The following TRPC6 variants were observed in gnomAD, a reference collection of about 807,000 sequenced individuals.
The protein encoded by TRPC6 is transient receptor potential cation channel subfamily C member 6.
Under a neutral mutation model 90.7 loss-of-function variants are expected in TRPC6, and 55 were observed. That is an observed-to-expected ratio of 0.61 (90% CI 0.49 to 0.76). TRPC6 has a LOEUF of 0.76. TRPC6 is among the 30% of genes least tolerant of loss of function. The pLI is 0.00. For synonymous variants in TRPC6, 393 were observed against 393.0 expected, an observed-to-expected ratio of 1.00 and a Z score of 0.00; for missense variants, 989 against 1,122.7, an observed-to-expected ratio of 0.88 and a Z score of 1.70.
At chr11:101,506,263 G>A (rs940727029) in intron 1 of TRPC6, among the ~76,000 whole-genome samples, 9 of 147,200 alleles carry the variant, frequency 6.1e-5, no homozygotes, top group African/African-American at 1.9e-4. Flanking sequence ...CTTTAAAAAC[G>A]GTCACAAACT....
At chr11:101,484,118 C>T (rs1229291702) in intron 4 of TRPC6, among the ~76,000 whole-genome samples, 2 of 152,154 alleles carry the variant, frequency 1.3e-5, no homozygotes, top group Non-Finnish European at 2.9e-5. Context: ...ATACAACCAA[C>T]ACTTAGTTGG....
At chr11:101,555,092 G>A (rs1171933589) in intron 1 of TRPC6, among the ~76,000 whole-genome samples, 2 of 152,176 alleles carry the variant, frequency 1.3e-5, no homozygotes, top group African/African-American at 4.8e-5. Context: ...GGTAGGCTAA[G>A]AGACACTGCC....
chr11:101,519,316 C>G (rs1565227130), intron 1 of TRPC6, among the ~76,000 whole-genome samples: 1 of 113,070 alleles, frequency 8.8e-6, no homozygotes, highest in African/African-American at 3.6e-5. Context: ...TAAATATATA[C>G]ACCTATGTAC....
chr11:101,573,944 G>GTGTGTGTA (rs1555015140), intron 1 of TRPC6, among the ~76,000 whole-genome samples: 19 of 130,178 alleles, frequency 1.5e-4, no homozygotes, highest in Non-Finnish European at 2.7e-4. Context: ...GTGTGTGTGT[G>GTGTGTGTA]TGTGTGTGTG....
At chr11:101,534,815 C>T (rs117156891) in intron 1 of TRPC6, among the ~76,000 whole-genome samples, 7 of 152,178 alleles carry the variant, frequency 4.6e-5, no homozygotes, top group Admixed American at 3.3e-4. Context: ...GAGATTTCTA[C>T]GTATCAGAAA....
intron 10 of TRPC6, among the ~76,000 whole-genome samples, chr11:101,457,621 A>C (rs1356595926): frequency 6.6e-6 from 1 of 152,166 alleles, no homozygotes; most frequent in Non-Finnish European, 1.5e-5. Context: ...GCTGTGTTAT[A>C]CAGTGCTTAT....
intron 1 of TRPC6, among the ~76,000 whole-genome samples, chr11:101,529,481 C>G (rs913837295): frequency 2.0e-5 from 3 of 152,206 alleles, no homozygotes; most frequent in Non-Finnish European, 4.4e-5. Flanking sequence ...TTCGGACATA[C>G]ATAGTACTTC....
chr11:101,578,439 G>GA (rs779727995), intron 1 of TRPC6, among the ~76,000 whole-genome samples: 19 of 152,070 alleles, frequency 1.2e-4, no homozygotes, highest in Non-Finnish European at 1.8e-4. Flanking sequence ...CTGGAGAAAA[G>GA]AAAACAATAT....
chr11:101,469,452 G>T lies in TRPC6; in HGVS notation c.2459C>A (p.Ser820Ter). Reference sequence around the variant, plus strand: ...CTGTTTTTTGTCAAGTGATAATTTTGAAAGGTCTTCATGACTTCCTAAAAT... The same window carrying T: ...CTGTTTTTTGTCAAGTGATAATTTTTAAAGGTCTTCATGACTTCCTAAAAT... ...LGILGSHEDL[S>*]KLSLDKKQVG... Residue 820 changes from serine (S) to a stop codon, truncating the protein, a stop_gained, in exon 10 of 13, where the codon TCA (serine) becomes TAA (stop). Coordinates refer to ENST00000344327, the MANE Select transcript of TRPC6 (RefSeq NM_004621.6). LOFTEE classifies it high-confidence loss of function. The T allele has an allele frequency of 1.3e-6, 1 of 773,064 alleles. No homozygotes were observed. Among genetic ancestry groups the T allele is most frequent in the Non-Finnish European group, 2.4e-6 (1 of 413,946 alleles). The allele number at this position is 773,064 out of a possible 1,614,324, so 47.9% of individuals were successfully genotyped here. A position where few individuals can be genotyped will look rare whatever the true frequency, so the allele number is the denominator to read the frequency against.
At chr11:101,541,563 G>A (rs1028755648) in intron 1 of TRPC6, among the ~76,000 whole-genome samples, 31 of 152,080 alleles carry the variant, frequency 2.0e-4, no homozygotes, top group African/African-American at 6.0e-4. Context: ...GGGTTTTACT[G>A]TTTCTTATAG....
intron 1 of TRPC6, among the ~76,000 whole-genome samples, chr11:101,572,945 T>A (rs1428839192): frequency 6.6e-6 from 1 of 151,930 alleles, no homozygotes; most frequent in South Asian, 2.1e-4. Flanking sequence ...CACCATGGCA[T>A]GTGTATACCT....
At chr11:101,490,604 C>T (rs1442313537) in intron 3 of TRPC6, among the ~76,000 whole-genome samples, 3 of 152,096 alleles carry the variant, frequency 2.0e-5, no homozygotes, top group Non-Finnish European at 2.9e-5. Context: ...TACAGGTGCA[C>T]GCCACCATAC....
chr11:101,577,636 C>T (rs1203299969), intron 1 of TRPC6, among the ~76,000 whole-genome samples: 1 of 152,144 alleles, frequency 6.6e-6, no homozygotes, highest in South Asian at 2.1e-4. Context: ...GGACGGTCTG[C>T]AGAGGGAAAA....
At chr11:101,541,587 G>A (rs1346756246) in intron 1 of TRPC6, among the ~76,000 whole-genome samples, 6 of 152,126 alleles carry the variant, frequency 3.9e-5, no homozygotes, top group Admixed American at 3.9e-4. Context: ...ATATGAGACA[G>A]AAAGCTTAGG....
intron 10 of TRPC6, among the ~76,000 whole-genome samples, chr11:101,462,773 C>T (rs774263369): frequency 6.6e-6 from 1 of 152,148 alleles, no homozygotes; most frequent in Non-Finnish European, 1.5e-5. Context: ...ATTTGACTTC[C>T]TCTTTTCCTA....
chr11:101,489,157 C>T (rs1037425464), intron 3 of TRPC6, 56 bp from the exon 4 acceptor site: 22 of 1,503,752 alleles, frequency 1.5e-5, no homozygotes, highest in African/African-American at 5.6e-5. Context: ...TCAGCATAAA[C>T]GATTTTCATG....
intron 1 of TRPC6, among the ~76,000 whole-genome samples, chr11:101,530,201 G>GA (rs1860878201): frequency 6.6e-6 from 1 of 152,018 alleles, no homozygotes; most frequent in African/African-American, 2.4e-5. Context: ...AGCAGACCCT[G>GA]AAAAAGCTCT....
intron 4 of TRPC6, among the ~76,000 whole-genome samples, chr11:101,488,597 A>C (rs1043570734): frequency 6.6e-6 from 1 of 152,248 alleles, no homozygotes; most frequent in African/African-American, 2.4e-5. Context: ...CTCATAAAGA[A>C]ATATAAAAGT....
intron 4 of TRPC6, among the ~76,000 whole-genome samples, chr11:101,483,919 T>C (rs1859611852): frequency 6.6e-6 from 1 of 152,164 alleles, no homozygotes; most frequent in South Asian, 2.1e-4. Flanking sequence ...CATCTCTGTC[T>C]AAGAGGTACA....
Sources: allele counts gnomAD v4.1 joint callset (sites outside exome capture counted in the v4.1 genomes callset), GRCh38; gene constraint gnomAD v4.1.1; transcripts MANE v1.5; gene names NCBI Gene and HGNC (gene_info 2026-07-23, HGNC 2026-07-21).